UEVLD: variants seen among roughly 807,000 people sequenced by gnomAD.
The protein encoded by UEVLD is UEV and lactate/malate dehyrogenase domains.
UEVLD carries 47 observed loss-of-function variants against 58.6 expected under a neutral mutation model. That is an observed-to-expected ratio of 0.80 (90% confidence interval 0.63 to 1.02). The LOEUF (loss-of-function observed/expected upper bound fraction) is 1.02, where lower values mean the gene tolerates loss of function less well. Ranked by LOEUF, UEVLD falls within the 50% of genes least tolerant of loss-of-function variation. The pLI, the probability that UEVLD is intolerant of heterozygous loss-of-function variation, is 0.00. For missense variants in UEVLD, 510 were observed against 550.6 expected (o/e 0.93, Z 0.74); for synonymous variants, 197 against 195.3 (o/e 1.01, Z -0.07).
intron 10 of UEVLD, among the ~76,000 whole-genome samples, chr11:18,535,736 CATATA>C (rs1039392154): frequency 6.6e-6 from 1 of 151,882 alleles, no homozygotes; most frequent in Non-Finnish European, 1.5e-5. Flanking sequence ...TTTGCCTGAA[CATATA>C]ATATGGCTTA....
At position 18,532,289 on chromosome 11, in the gene UEVLD, G is replaced by T; in HGVS notation, c.*31C>A. 3 of 1,565,734 alleles carry T rather than the reference G, an allele frequency of 1.9e-6. No individual in the cohort carries two copies. Among genetic ancestry groups the T allele is most frequent in the Non-Finnish European group, 2.6e-6 (3 of 1,158,064 alleles). The stretch of plus-strand genomic sequence containing the variant: ...ATTAAATGACTTTTCCCTTTAGGTA[G>T]AAGTCCAGCCTCTCAAATTGCATTT... On this transcript the variant is annotated 3_prime_UTR_variant, in exon 12 of 12. Transcript: ENST00000396197.
chr11:18,581,700 A>T (rs1429675773), intron 1 of UEVLD, among the ~76,000 whole-genome samples: 3 of 151,296 alleles, frequency 2.0e-5, no homozygotes, highest in Non-Finnish European at 3.0e-5. Flanking sequence ...AAAGAAAATT[A>T]GGGGGAAAAG....
intron 4 of UEVLD, among the ~76,000 whole-genome samples, chr11:18,568,018 G>A (rs1213662177): frequency 6.6e-6 from 1 of 152,068 alleles, no homozygotes; most frequent in Non-Finnish European, 1.5e-5. Context: ...GGTAGACCAT[G>A]CTTGTAGTCC....
chr11:18,531,113 G>C lies in UEVLD; in HGVS notation c.*1207C>G, dbSNP rs1482613445. On this transcript the variant is annotated 3_prime_UTR_variant, in exon 12 of 12. Coordinates refer to ENST00000396197, the MANE Select transcript of UEVLD (RefSeq NM_001040697.4). ...CAGGACCCCAGCTTTAGGGTCTTTT[G>C]ATAACTATTTTGGCTATTAAGCCTT... The C allele has an allele frequency of 1.3e-5, 2 of 152,158 alleles. No homozygotes were observed. The highest frequency in any genetic ancestry group is 4.8e-5 in the African/African-American group (2 of 41,442). 9.4% of individuals were successfully genotyped at this position (152,158 alleles called of 1,614,324 possible). A position where few individuals can be genotyped will look rare whatever the true frequency, so the allele number is the denominator to read the frequency against.
At chr11:18,580,435 T>C (rs897618334) in intron 1 of UEVLD, among the ~76,000 whole-genome samples, 3 of 152,214 alleles carry the variant, frequency 2.0e-5, no homozygotes, top group African/African-American at 7.2e-5. Flanking sequence ...GCATTATTCA[T>C]AATAGCCAAA....
At chr11:18,562,478 G>A (rs1852086909) in intron 6 of UEVLD, among the ~76,000 whole-genome samples, 1 of 151,502 alleles carries the variant, frequency 6.6e-6, no homozygotes, top group Non-Finnish European at 1.5e-5. Context: ...GGAGATGGAG[G>A]TTGCAGTGAG....
chr11:18,545,453 T>C (rs1851268140), intron 8 of UEVLD, among the ~76,000 whole-genome samples: 1 of 151,042 alleles, frequency 6.6e-6, no homozygotes, highest in Non-Finnish European at 1.5e-5. Flanking sequence ...TGTTTGTTTG[T>C]TTGTTTTTTG....
intron 2 of UEVLD, 63 bp from the exon 3 acceptor site, chr11:18,575,475 T>A: frequency 1.3e-6 from 2 of 1,505,190 alleles, no homozygotes; most frequent in Non-Finnish European, 1.8e-6. Flanking sequence ...TGTAGTAAAG[T>A]ATGTAAGTGT....
intron 7 of UEVLD, among the ~76,000 whole-genome samples, chr11:18,551,831 A>G (rs921044236): frequency 5.9e-5 from 9 of 152,204 alleles, no homozygotes; most frequent in African/African-American, 2.2e-4. Flanking sequence ...ATACTAAGGG[A>G]TGATCAAATC....
chr11:18,569,459 C>T (rs906688199), intron 4 of UEVLD, among the ~76,000 whole-genome samples: 6 of 152,026 alleles, frequency 3.9e-5, no homozygotes, highest in African/African-American at 1.5e-4. Context: ...ATATTGAAAA[C>T]CTTTGGACCA....
intron 1 of UEVLD, among the ~76,000 whole-genome samples, chr11:18,586,322 C>T (rs1853558960): frequency 6.6e-6 from 1 of 152,206 alleles, no homozygotes; most frequent in African/African-American, 2.4e-5. Context: ...TCAAGTGATT[C>T]TCCTGCTTCA....
At position 18,546,880 on chromosome 11, in the gene UEVLD, C is replaced by T. The variant is rs1851322761; in HGVS notation, c.886G>A (p.Val296Met). The T allele has an allele frequency of 6.2e-7, 1 of 1,611,300 alleles. No individual in the cohort carries two copies. Among genetic ancestry groups the T allele is most frequent in the African/African-American group, 1.3e-5 (1 of 74,704 alleles). ...HSVLLVASQP[V>M]EIMTYVTWKL... ...CTTAATTTAAAATAAAGCATTTTAC[C>T]TGGTTGAGATGCAACGAGCAGGACA... Residue 296 changes from valine (V) to methionine (M), a missense_variant and splice_region_variant, in exon 8 of 12, where the codon GTG (valine) becomes ATG (methionine). Coordinates refer to ENST00000396197, the MANE Select transcript of UEVLD (RefSeq NM_001040697.4).
At chr11:18,570,529 T>C (rs1333250545) in intron 3 of UEVLD, 152 bp from the exon 4 acceptor site, 1 of 633,514 alleles carries the variant, frequency 1.6e-6, no homozygotes, top group Non-Finnish European at 2.4e-6. Context: ...GCAGATTGCA[T>C]GAGCCCAGGA....
intron 5 of UEVLD, among the ~76,000 whole-genome samples, chr11:18,565,869 G>A (rs939894338): frequency 6.6e-6 from 1 of 150,494 alleles, no homozygotes; most frequent in Non-Finnish European, 1.5e-5. Context: ...GTAATACCCT[G>A]TGATAAAGGC....
intron 2 of UEVLD, among the ~76,000 whole-genome samples, chr11:18,576,833 C>T (rs901681496): frequency 6.6e-6 from 1 of 152,166 alleles, no homozygotes; most frequent in Non-Finnish European, 1.5e-5. Flanking sequence ...CCCCCACCCA[C>T]CAAGCTGTCA....
intron 1 of UEVLD, among the ~76,000 whole-genome samples, chr11:18,588,236 C>G (rs1853685410): frequency 6.6e-6 from 1 of 152,048 alleles, no homozygotes; most frequent in Non-Finnish European, 1.5e-5. Context: ...CAGGGAGTGA[C>G]TGAGTTGGGT....
chr11:18,535,626 G>A (rs541573745), intron 10 of UEVLD, among the ~76,000 whole-genome samples: 44 of 152,150 alleles, frequency 2.9e-4, no homozygotes, highest in Non-Finnish European at 5.9e-4. Flanking sequence ...AATGCCATGA[G>A]TATAAATTCT....
At chr11:18,569,027 C>G (rs751897076) in intron 4 of UEVLD, among the ~76,000 whole-genome samples, 1 of 151,868 alleles carries the variant, frequency 6.6e-6, no homozygotes, top group Non-Finnish European at 1.5e-5. Context: ...CCCAAGTAGC[C>G]GGGACTACAG....
intron 6 of UEVLD, among the ~76,000 whole-genome samples, chr11:18,560,138 C>CACACACACACACAGAG (rs368897951): frequency 7.1e-4 from 53 of 74,812 alleles, no homozygotes; most frequent in Non-Finnish European, 9.4e-4. Flanking sequence ...CACACACACA[C>CACACACACACACAGAG]AGAGAGAGAA....
Sources: allele counts gnomAD v4.1 joint callset (sites outside exome capture counted in the v4.1 genomes callset), GRCh38; gene constraint gnomAD v4.1.1; transcripts MANE v1.5; gene names NCBI Gene and HGNC (gene_info 2026-07-23, HGNC 2026-07-21).